The following ADAMTS4 variants were observed in gnomAD, a reference collection of about 807,000 sequenced individuals.
ADAMTS4 encodes A disintegrin and metalloproteinase with thrombospondin motifs 4.
A neutral mutation model predicts 66.7 loss-of-function variants in ADAMTS4; 38 were observed. That is an observed-to-expected ratio of 0.57 (90% CI 0.44 to 0.75). The LOEUF (loss-of-function observed/expected upper bound fraction) is 0.75. Among genes scored for constraint, ADAMTS4 ranks in the 30% least tolerant of loss-of-function variants. ADAMTS4 has a pLI of 0.00. For synonymous variants in ADAMTS4, 418 were observed against 461.5 expected (o/e 0.91, Z 1.21); for missense variants, 1,014 against 1,116.7 (o/e 0.91, Z 1.31).
At chr1:161,196,510 C>T (rs1558076423) in intron 2 of ADAMTS4, 47 bp downstream of exon 2, 1 of 1,589,100 alleles carries the variant, frequency 6.3e-7, no homozygotes, top group Non-Finnish European at 8.6e-7. Context: ...AGTGGCGCTT[C>T]TTAGAATTGT....
At position 161,198,162 on chromosome 1, in the gene ADAMTS4, G is replaced by T. The variant is rs546291574; in HGVS notation, c.466C>A (p.Arg156=). ...GGALLGVLQY[R]GAELHLQPLE... ...GGCTGGAGGTGGAGTTCAGCCCCCCGATATTGTAACACGCCTAACAGGGCT... is the reference window on the plus strand; with the variant it reads ...GGCTGGAGGTGGAGTTCAGCCCCCCTATATTGTAACACGCCTAACAGGGCT... Residue 156 remains arginine (R), a synonymous_variant, in exon 1 of 9, where the codon CGG becomes AGG. Transcript: ENST00000367996. The surrounding 1 kb of genome is among the most constrained non-coding windows in gnomAD (Gnocchi z 4.7). 6.2e-7 allele frequency: 1 copy of T among 1,614,010 alleles called. No homozygotes were observed. The highest frequency in any genetic ancestry group is 1.3e-5 in the African/African-American group (1 of 74,986).
chr1:161,190,822 T>G lies in ADAMTS4; in HGVS notation c.*316A>C. 3.7e-6 allele frequency: 1 copy of G among 270,692 alleles called. No homozygotes were observed. The highest frequency in any genetic ancestry group is 7.1e-6 in the Non-Finnish European group (1 of 141,136). The allele number at this position is 270,692 out of a possible 1,614,324, so 16.8% of individuals were successfully genotyped here. On this transcript the variant is annotated 3_prime_UTR_variant, in exon 9 of 9. Transcript: ENST00000367996. Reference sequence around the variant, plus strand: ...TTCCCTGGTGCTAAATAAAAGTGAATAAATACTAAATAAATACAACTGGGG... The same window carrying G: ...TTCCCTGGTGCTAAATAAAAGTGAAGAAATACTAAATAAATACAACTGGGG...
At chr1:161,192,007 G>A in intron 8 of ADAMTS4, 58 bp downstream of exon 8, 1 of 1,571,704 alleles carries the variant, frequency 6.4e-7, no homozygotes, top group Admixed American at 1.7e-5. Context: ...GTTCCCCTCT[G>A]CATCACTAGG....
At position 161,193,170 on chromosome 1, in the gene ADAMTS4, G is replaced by C; in HGVS notation, c.1911+43C>G. On this transcript the variant is annotated intron_variant, in intron 7 of 8. Coordinates refer to ENST00000367996, the MANE Select transcript of ADAMTS4 (RefSeq NM_005099.6). The surrounding 1 kb of genome is among the most constrained non-coding windows in gnomAD (Gnocchi z 4.4). ...AGAAAGCAGAGGGAGCACTGCGGGTGTGTGTGACCATAGACAGGGCCTGGG... is the reference window on the plus strand; with the variant it reads ...AGAAAGCAGAGGGAGCACTGCGGGTCTGTGTGACCATAGACAGGGCCTGGG... 6.3e-7 allele frequency: 1 copy of C among 1,579,560 alleles called. No homozygotes were observed. The highest frequency in any genetic ancestry group is 8.6e-7 in the Non-Finnish European group (1 of 1,159,540).
rs775171599 is a variant in ADAMTS4, at chr1:161,191,445, T to C, written c.2207A>G (p.Tyr736Cys). The change falls in exon 9 of 9, where the codon TAT (tyrosine) becomes TGT (cysteine). Residue 736 changes from tyrosine (Y) to cysteine (C), a missense_variant. Physicochemically the swap from Tyr to Cys is radical, Grantham distance 194. Coordinates refer to ENST00000367996, the MANE Select transcript of ADAMTS4 (RefSeq NM_005099.6). ...CAGCGTGTATTCACCATTGAGGGCA[T>C]AGGAGCCATCTGGCAGCTTCAGGGC... ...YLALKLPDGSYALNGEYTLMP... is the reference protein window; with the variant it reads ...YLALKLPDGSCALNGEYTLMP... 2.5e-6 allele frequency: 4 copies of C among 1,614,154 alleles called. No individual in the cohort carries two copies. The highest frequency in any genetic ancestry group is 1.1e-5 in the South Asian group (1 of 91,088).
At position 161,193,717 on chromosome 1, in the gene ADAMTS4, CG is replaced by C; in HGVS notation, c.1657del (p.Arg553GlyfsTer28). 6.2e-7 allele frequency: 1 copy of C among 1,614,102 alleles called. No individual in the cohort carries two copies. The highest frequency in any genetic ancestry group is 8.5e-7 in the Non-Finnish European group (1 of 1,180,006). The stretch of plus-strand genomic sequence containing the variant: ...GCCCTCACAGTACTTGCCACCATTC[CG>C]GGGGACAGGCCTCGTGCAGTCTCGG... ...SSRDCTRPVP[R>X]NGGKYCEGRR... On this transcript the variant is annotated frameshift_variant, in exon 6 of 9. Transcript: ENST00000367996. LOFTEE classifies it high-confidence loss of function. The surrounding 1 kb of genome is among the most constrained non-coding windows in gnomAD (Gnocchi z 4.4).
chr1:161,195,342 C>T, intron 4 of ADAMTS4, 123 bp downstream of exon 4: 1 of 1,001,388 alleles, frequency 1.0e-6, no homozygotes, highest in Non-Finnish European at 1.5e-6. Flanking sequence ...CCCCTTCCCA[C>T]ACTGCAGAGG....
At position 161,198,672 on chromosome 1, in the gene ADAMTS4, C is replaced by G; in HGVS notation, c.-45G>C. 1 of 1,439,332 alleles carries G rather than the reference C, an allele frequency of 6.9e-7. No homozygotes were observed. The allele number at this position is 1,439,332 out of a possible 1,614,324, so 89.2% of individuals were successfully genotyped here. The stretch of plus-strand genomic sequence containing the variant: ...GGAGGGACTGAGGCCGTCTAGGGCA[C>G]CAAGTCCTCCACACCCTAGCTTTGG... On this transcript the variant is annotated 5_prime_UTR_variant, in exon 1 of 9. Transcript: ENST00000367996. This position sits in a 1 kb window ranked among gnomAD's most constrained non-coding sequence, Gnocchi z 4.7.
rs762429842 is a variant in ADAMTS4, at chr1:161,194,106, A to G, written c.1377T>C (p.His459=). Residue 459 remains histidine, a synonymous_variant, in exon 5 of 9, where the codon CAT becomes CAC. Coordinates refer to ENST00000367996, the MANE Select transcript of ADAMTS4 (RefSeq NM_005099.6). The surrounding 1 kb of genome is among the most constrained non-coding windows in gnomAD (Gnocchi z 4.1). ...CACAGGGCGGCGGCAGCTGTGGACA[A>G]TGGCGTGAGTCGGGCCCGAAGGTCA... ...CQLTFGPDSR[H]CPQLPPPCAA... 3.1e-6 allele frequency: 5 copies of G among 1,614,104 alleles called. No individual in the cohort carries two copies. The African/African-American group carries it at 5.3e-5, about 17-fold the overall frequency.
rs2102013248 is a variant in ADAMTS4 at position 161,193,863 on chromosome 1, ACT to A, written c.1549-39_1549-38del. Reference sequence around the variant, plus strand: ...CAGAACGGAAGTGGGGCATAAGTGAACTCTCTCCTGGGCTTAAGGCCAGTCCC... The same window carrying A: ...CAGAACGGAAGTGGGGCATAAGTGAACTCTCCTGGGCTTAAGGCCAGTCCC... On this transcript the variant is annotated intron_variant, in intron 5 of 8. Transcript: ENST00000367996. The surrounding 1 kb of genome is among the most constrained non-coding windows in gnomAD (Gnocchi z 4.4). 1.3e-6 allele frequency: 2 copies of A among 1,573,660 alleles called. No individual in the cohort carries two copies. The highest frequency in any genetic ancestry group is 1.3e-5 in the African/African-American group (1 of 74,230).
At chr1:161,195,802 C>T (rs1664807368) in intron 3 of ADAMTS4, 167 bp from the exon 4 acceptor site, 5 of 640,134 alleles carry the variant, frequency 7.8e-6, no homozygotes, top group Admixed American at 7.0e-5. Flanking sequence ...TATGTAGCCC[C>T]GTCTCTTTCT....
At position 161,188,138 on chromosome 1, in the gene ADAMTS4, T is replaced by G. The variant is rs1664578777; in HGVS notation, c.*3000A>C. The G allele has an allele frequency of 6.7e-6, 1 of 150,118 alleles. No homozygotes were observed. The highest frequency in any genetic ancestry group is 2.1e-4 in the South Asian group (1 of 4,748). 9.3% of individuals were successfully genotyped at this position (150,118 alleles called of 1,614,324 possible). A position where few individuals can be genotyped will look rare whatever the true frequency, so the allele number is the denominator to read the frequency against. ...CTAATTTTTTGTATTTTTTTTTTAG[T>G]AGAGATGGGGTTTCACCATGTTGGC... On this transcript the variant is annotated 3_prime_UTR_variant, in exon 9 of 9. Transcript: ENST00000367996.
At position 161,191,070 on chromosome 1, in the gene ADAMTS4, A is replaced by C. The variant is rs926625483; in HGVS notation, c.*68T>G. ...GAGTCTTAGCATGAGGCAGCAACAG[A>C]AGCTCTCTCTTTCTCCCAGCTAAGT... On this transcript the variant is annotated 3_prime_UTR_variant, in exon 9 of 9. Coordinates refer to ENST00000367996, the MANE Select transcript of ADAMTS4 (RefSeq NM_005099.6). 32 of 1,480,656 alleles carry C rather than the reference A, an allele frequency of 2.2e-5. No homozygotes were observed. The highest frequency in any genetic ancestry group is 1.4e-4 in the Admixed American group (6 of 44,016). The allele number at this position is 1,480,656 out of a possible 1,614,324, so 91.7% of individuals were successfully genotyped here. A position where few individuals can be genotyped will look rare whatever the true frequency, so the allele number is the denominator to read the frequency against.
intron 1 of ADAMTS4, 60 bp from the exon 2 acceptor site, chr1:161,196,940 G>A (rs970846478): frequency 5.6e-6 from 8 of 1,432,034 alleles, no homozygotes; most frequent in Non-Finnish European, 7.5e-6. Flanking sequence ...TGGGTCGGTC[G>A]ATTCTCCAAT....
Position 161,184,752 on chromosome 1 carries a change from C to T in ADAMTS4, c.*6386G>A, listed in dbSNP as rs746721544. On this transcript the variant is annotated 3_prime_UTR_variant, in exon 9 of 9. Transcript: ENST00000367996. ...AGAATGTGTTGGCCAGGCACCCTGG[C>T]TCACACCTGTAATCCCAGCACTTTG... The T allele has an allele frequency of 6.6e-6, 1 of 152,200 alleles. No homozygotes were observed. 9.4% of individuals were successfully genotyped at this position (152,200 alleles called of 1,614,324 possible).
rs1664611563 is a variant in ADAMTS4, at chr1:161,189,443, ATTTG to A, written c.*1691_*1694del. The A allele has an allele frequency of 6.6e-6, 1 of 152,112 alleles. No individual in the cohort carries two copies. Among genetic ancestry groups the A allele is most frequent in the Admixed American group, 6.5e-5 (1 of 15,270 alleles). 9.4% of individuals were successfully genotyped at this position (152,112 alleles called of 1,614,324 possible). On this transcript the variant is annotated 3_prime_UTR_variant, in exon 9 of 9. Transcript: ENST00000367996. ...TTGTGTTGATGCAGTTGTTCTTGTT[ATTTG>A]TTCTTGTTATCCTGCACCTTCATGT...
At position 161,196,883 on chromosome 1, in the gene ADAMTS4, G is replaced by A. The variant is rs1404571761; in HGVS notation, c.634-3C>T. 3 of 1,584,644 alleles carry A rather than the reference G, an allele frequency of 1.9e-6. No individual in the cohort carries two copies. The highest frequency in any genetic ancestry group is 1.3e-5 in the African/African-American group (1 of 74,262). On this transcript the variant is annotated splice_polypyrimidine_tract_variant and splice_region_variant and intron_variant, in intron 1 of 8. Transcript: ENST00000367996. ...AATCTACTCAGTGAAGCAAAGCGCTGTAGAGAAAAAGGGAGAGGAAGATCC... is the reference window on the plus strand; with the variant it reads ...AATCTACTCAGTGAAGCAAAGCGCTATAGAGAAAAAGGGAGAGGAAGATCC...
Position 161,184,318 on chromosome 1 carries a change from G to A in ADAMTS4, c.*6820C>T, listed in dbSNP as rs1664493252. ...GAAGAGATATAAGGAAAGGAGAACT[G>A]GCCTTTATTGACCACTTACTAAAAG... On this transcript the variant is annotated 3_prime_UTR_variant, in exon 9 of 9. Coordinates refer to ENST00000367996, the MANE Select transcript of ADAMTS4 (RefSeq NM_005099.6). The A allele has an allele frequency of 1.3e-5, 2 of 152,178 alleles. No homozygotes were observed. The highest frequency in any genetic ancestry group is 2.4e-5 in the African/African-American group (1 of 41,426). 9.4% of individuals were successfully genotyped at this position (152,178 alleles called of 1,614,324 possible).
In ADAMTS4 at chr1:161,191,244, G is replaced by A. The variant is rs1240936333; in HGVS notation, c.2408C>T (p.Pro803Leu). The A allele has an allele frequency of 1.9e-6, 3 of 1,613,540 alleles. No individual in the cohort carries two copies. The highest frequency in any genetic ancestry group is 1.3e-5 in the African/African-American group (1 of 74,948). ...DTRLRYSFFV[P>L]RPTPSTPRPT... ...GCGTGGCGTTGAAGGGGTCGGCCGG[G>A]GCACGAAGAAGCTGTATCGGAGGCG... The change falls in exon 9 of 9, where the codon CCC (proline) becomes CTC (leucine). Residue 803 changes from proline (P) to leucine (L), a missense_variant. Transcript: ENST00000367996.
Sources: gnomAD v4.1 joint callset for allele counts on GRCh38, gnomAD v4.1.1 for gene constraint, Gnocchi (gnomAD v3.1) non-coding constraint, MANE v1.5 for transcripts, NCBI Gene and HGNC (gene_info 2026-07-23, HGNC 2026-07-21) for gene names.